The following NCKAP1L variants were observed in gnomAD, a reference collection of about 807,000 sequenced individuals.
The protein encoded by NCKAP1L is NCK associated protein 1 like, also known as nck-associated protein 1-like.
Under a neutral mutation model 139.2 loss-of-function variants are expected in NCKAP1L, and 53 were observed. The ratio of observed to expected loss-of-function variants is 0.38; its 90% confidence interval spans 0.31 to 0.48. NCKAP1L has a LOEUF of 0.48. Ranked by LOEUF, NCKAP1L falls within the 20% of genes least tolerant of loss-of-function variation. The pLI, the probability that NCKAP1L is intolerant of heterozygous loss-of-function variation, is 0.98. For missense variants in NCKAP1L, 1,151 were observed against 1,381.9 expected, an observed-to-expected ratio of 0.83 and a Z score of 2.65; for synonymous variants, 468 against 499.7, an observed-to-expected ratio of 0.94 and a Z score of 0.85.
Position 54,531,360 on chromosome 12 carries a change from A to G in NCKAP1L, c.2604+3A>G. On this transcript the variant is annotated splice_donor_region_variant and intron_variant, in intron 23 of 30. Coordinates refer to ENST00000293373, the MANE Select transcript of NCKAP1L (RefSeq NM_005337.5). ...CCTCTCAGATTGTGGAGCTGAAGGT[A>G]CTATGGAAACAATCCCTTGGGGAAA... is the stretch of plus-strand genomic sequence containing the variant. 1 of 1,613,920 alleles carries G rather than the reference A, an allele frequency of 6.2e-7. No individual in the cohort carries two copies. The highest frequency in any genetic ancestry group is 8.5e-7 in the Non-Finnish European group (1 of 1,179,790).
intron 28 of NCKAP1L, chr12:54,536,681 GA>G: frequency 2.9e-6 from 1 of 342,294 alleles, no homozygotes; most frequent in Non-Finnish European, 5.3e-6. Flanking sequence ...AAAAAGAAAA[GA>G]AAAGGAACAA....
At chr12:54,528,611 ATCTTCTTCT>A (rs113269671) in intron 22 of NCKAP1L, among the ~76,000 whole-genome samples, 1 of 150,120 alleles carries the variant, frequency 6.7e-6, no homozygotes, top group Non-Finnish European at 1.5e-5. Flanking sequence ...CTGTCATGGC[ATCTTCTTCT>A]TCTTCTTCTT....
intron 3 of NCKAP1L, among the ~76,000 whole-genome samples, chr12:54,502,626 A>G (rs976928259): frequency 2.0e-5 from 3 of 152,034 alleles, no homozygotes. Flanking sequence ...CCCTAATATA[A>G]TTATCATACT....
rs1158522825 is a variant in NCKAP1L at position 54,547,499 on chromosome 12, T to TGTGC, written c.*4818_*4821dup. 5.3e-5 allele frequency: 6 copies of TGTGC among 113,870 alleles called. No homozygotes were observed. Among genetic ancestry groups the TGTGC allele is most frequent in the African/African-American group, 1.7e-4 (5 of 29,890 alleles). The allele number at this position is 113,870 out of a possible 1,614,324, so 7.1% of individuals were successfully genotyped here. A position where few individuals can be genotyped will look rare whatever the true frequency, so the allele number is the denominator to read the frequency against. On this transcript the variant is annotated 3_prime_UTR_variant, in exon 31 of 31. Coordinates refer to ENST00000293373, the MANE Select transcript of NCKAP1L (RefSeq NM_005337.5). ...TCTTTCACGAATAACTTTGTGTGTG[T>TGTGC]GTGCGTGTGTGTGTGTGTGTGTGTG...
chr12:54,536,359 G>A (rs913081085), intron 28 of NCKAP1L, 114 bp downstream of exon 28: 3 of 799,142 alleles, frequency 3.8e-6, no homozygotes. Context: ...GTAAAGTTCT[G>A]TTTCAAAAAG....
chr12:54,498,384 T>C (rs1956767483), intron 1 of NCKAP1L, among the ~76,000 whole-genome samples: 1 of 143,898 alleles, frequency 6.9e-6, no homozygotes, highest in Non-Finnish European at 1.6e-5. Flanking sequence ...CCTGGGGTAG[T>C]TCATGCTGTG....
Position 54,506,796 on chromosome 12 carries a change from A to AATATAT in NCKAP1L, c.307-1034_307-1029dup, listed in dbSNP as rs1171488876. On this transcript the variant is annotated intron_variant, in intron 3 of 30. Transcript: ENST00000293373. ...TTTTGGCAACATATTAAAAAAAAAA[A>AATATAT]ATATATATATATATATATATATATA... is the stretch of plus-strand genomic sequence containing the variant. Among the ~76,000 whole-genome samples the AATATAT allele has an allele frequency of 3.2e-3, 160 of 50,588 alleles. 1 individual carries two copies. The highest frequency in any genetic ancestry group is 0.011 in the Middle Eastern group (1 of 88). 33.2% of individuals were successfully genotyped at this position (50,588 alleles called of 152,430 possible).
At chr12:54,517,717 G>C (rs1293317795) in intron 12 of NCKAP1L, 75 bp downstream of exon 12, 9 of 1,588,072 alleles carry the variant, frequency 5.7e-6, no homozygotes, top group Admixed American at 1.7e-5. Context: ...GACCTTAGGA[G>C]GTCTCAATTT....
chr12:54,500,647 C>T (rs774721275), intron 3 of NCKAP1L, 22 bp downstream of exon 3: 3 of 1,447,832 alleles, frequency 2.1e-6, no homozygotes. Flanking sequence ...TGAGCCGTTT[C>T]CAATGTAGGC....
At position 54,531,601 on chromosome 12, in the gene NCKAP1L, C is replaced by A. The variant is rs781293819; in HGVS notation, c.2698+17C>A. The A allele has an allele frequency of 1.4e-5, 22 of 1,613,294 alleles. No individual in the cohort carries two copies. The highest frequency in any genetic ancestry group is 1.9e-5 in the Non-Finnish European group (22 of 1,179,284). ...AGCTGACAGGTAAGCATCCTCTTCCCCTATAGTGAGAAGGAGCTGTGGAAT... is the reference window on the plus strand; with the variant it reads ...AGCTGACAGGTAAGCATCCTCTTCCACTATAGTGAGAAGGAGCTGTGGAAT... On this transcript the variant is annotated intron_variant, in intron 24 of 30. Coordinates refer to ENST00000293373, the MANE Select transcript of NCKAP1L (RefSeq NM_005337.5).
chr12:54,514,631 G>C (rs1956916562), intron 9 of NCKAP1L, among the ~76,000 whole-genome samples: 1 of 152,262 alleles, frequency 6.6e-6, no homozygotes, highest in East Asian at 1.9e-4. Flanking sequence ...CCTTGAATCT[G>C]TGAATATTTC....
intron 26 of NCKAP1L, among the ~76,000 whole-genome samples, chr12:54,534,542 A>G (rs546420430): frequency 6.6e-6 from 1 of 152,306 alleles, no homozygotes; most frequent in East Asian, 1.9e-4. Flanking sequence ...GGCTGAAGTA[A>G]TCAGGTAGCG....
In NCKAP1L at chr12:54,516,980, A is replaced by G. The variant is rs1168294496; in HGVS notation, c.1083A>G (p.Leu361=). The G allele has an allele frequency of 6.2e-7, 1 of 1,611,818 alleles. No homozygotes were observed. The highest frequency in any genetic ancestry group is 1.3e-5 in the African/African-American group (1 of 74,966). ...LETVLADEPG[L]LGPKALFAFM... is the part of the protein sequence containing the mutation. The stretch of plus-strand genomic sequence containing the variant: ...CTGTGTTGGCTGATGAACCGGGACT[A>G]CTGGGTCCTAAGGCAAGAGGAAGAA... Residue 361 remains leucine (L), a synonymous_variant, in exon 11 of 31, where the codon CTA becomes CTG. Transcript: ENST00000293373.
intron 16 of NCKAP1L, 76 bp downstream of exon 16, chr12:54,519,408 T>C: frequency 9.0e-7 from 1 of 1,107,530 alleles, no homozygotes; most frequent in Non-Finnish European, 1.2e-6. Flanking sequence ...TTATGCCACT[T>C]ACTTCAAAGA....
At position 54,545,805 on chromosome 12, in the gene NCKAP1L, TG is replaced by T. The variant is rs1323176065; in HGVS notation, c.*3121del. The T allele has an allele frequency of 6.6e-6, 1 of 152,230 alleles. No homozygotes were observed. Among genetic ancestry groups the T allele is most frequent in the Non-Finnish European group, 1.5e-5 (1 of 68,040 alleles). 9.4% of individuals were successfully genotyped at this position (152,230 alleles called of 1,614,324 possible). A position where few individuals can be genotyped will look rare whatever the true frequency, so the allele number is the denominator to read the frequency against. ...ATCTCCATTAACTTGCTTGCAGCAA[TG>T]AGATGGAATTATGCCTCCCACAAGG... is the stretch of plus-strand genomic sequence containing the variant. On this transcript the variant is annotated 3_prime_UTR_variant, in exon 31 of 31. Transcript: ENST00000293373.
intron 29 of NCKAP1L, 54 bp from the exon 30 acceptor site, chr12:54,538,830 G>T: frequency 7.5e-7 from 1 of 1,330,080 alleles, no homozygotes; most frequent in Non-Finnish European, 1.1e-6. Flanking sequence ...GCAGCCTGAG[G>T]CCATTTGATA....
chr12:54,512,089 T>C lies in NCKAP1L; in HGVS notation c.925T>C (p.Phe309Leu). The C allele has an allele frequency of 6.2e-7, 1 of 1,614,094 alleles. No individual in the cohort carries two copies. The highest frequency in any genetic ancestry group is 1.1e-5 in the South Asian group (1 of 91,058). Reference protein sequence around the residue: ...LQVHKVTEDLFSSLKGYGKRV... With the variant: ...LQVHKVTEDLLSSLKGYGKRV... ...GGTGCACAAAGTCACCGAGGACCTG[T>C]TTAGCAGTTTGAAAGGGTGAGAGAC... Residue 309 changes from phenylalanine (F) to leucine (L), a missense_variant, in exon 9 of 31, where the codon TTT becomes CTT. Coordinates refer to ENST00000293373, the MANE Select transcript of NCKAP1L (RefSeq NM_005337.5).
chr12:54,511,352 T>C (rs997381654), intron 7 of NCKAP1L, among the ~76,000 whole-genome samples: 1 of 152,234 alleles, frequency 6.6e-6, no homozygotes, highest in Non-Finnish European at 1.5e-5. Flanking sequence ...TTGGCAGGCT[T>C]CCCTGCTGTT....
chr12:54,511,933 G>C lies in NCKAP1L; in HGVS notation c.785-16G>C. On this transcript the variant is annotated splice_polypyrimidine_tract_variant and intron_variant, in intron 8 of 30. Coordinates refer to ENST00000293373, the MANE Select transcript of NCKAP1L (RefSeq NM_005337.5). Reference sequence around the variant, plus strand: ...AGTTCTAAAAGTCTTCCTCTGCACTGTTTTCCCACCTACAGTTGGGTTTCT... The same window carrying C: ...AGTTCTAAAAGTCTTCCTCTGCACTCTTTTCCCACCTACAGTTGGGTTTCT... The C allele has an allele frequency of 6.2e-7, 1 of 1,614,194 alleles. No individual in the cohort carries two copies. Among genetic ancestry groups the C allele is most frequent in the Non-Finnish European group, 8.5e-7 (1 of 1,180,022 alleles).
Sources: allele counts gnomAD v4.1 joint callset (sites outside exome capture counted in the v4.1 genomes callset), GRCh38; gene constraint gnomAD v4.1.1; transcripts MANE v1.5; gene names NCBI Gene and HGNC (gene_info 2026-07-23, HGNC 2026-07-21).